Variants in KALRN observed in about 807,000 individuals in gnomAD.
KALRN encodes the protein kalirin.
A neutral mutation model predicts 353.7 loss-of-function variants in KALRN; 70 were observed. The observed-to-expected ratio is 0.20, with a 90% CI of 0.16 to 0.24. The LOEUF (loss-of-function observed/expected upper bound fraction) is 0.24, where lower values mean the gene tolerates loss of function less well. Among genes scored for constraint, KALRN ranks in the 10% least tolerant of loss-of-function variants. The pLI is 1.00. For missense variants in KALRN, 2,791 were observed against 3,756.7 expected, an observed-to-expected ratio of 0.74 and a Z score of 6.72; for synonymous variants, 1,391 against 1,434.8, an observed-to-expected ratio of 0.97 and a Z score of 0.69.
At chr3:124,486,183 A>G (rs150031154) in intron 28 of KALRN, among the ~76,000 whole-genome samples, 1 of 152,316 alleles carries the variant, frequency 6.6e-6, no homozygotes, top group Non-Finnish European at 1.5e-5. Context: ...ATCATAAAGT[A>G]TAGCAAGGAT....
At position 124,033,467 on chromosome 3, in the gene KALRN, C is replaced by G. The variant is rs2039078660; in HGVS notation, c.-274C>G. ...CGCACCCCGGCCCCGGGCCCCGGCC[C>G]CAGCCAGACAGCAGGCGGCCAGCGC... On this transcript the variant is annotated 5_prime_UTR_variant, in exon 1 of 60. Coordinates refer to ENST00000682506, the MANE Select transcript of KALRN (RefSeq NM_001388419.1). The surrounding 1 kb of genome is among the most constrained non-coding windows in gnomAD (Gnocchi z 6.2). Among the ~76,000 whole-genome samples, 1 of 151,914 alleles carries G rather than the reference C, an allele frequency of 6.6e-6. No homozygotes were observed. Among genetic ancestry groups the G allele is most frequent in the African/African-American group, 2.4e-5 (1 of 41,412 alleles).
chr3:124,525,739 C>T (rs868705953), intron 33 of KALRN, among the ~76,000 whole-genome samples: 1 of 152,196 alleles, frequency 6.6e-6, no homozygotes, highest in Non-Finnish European at 1.5e-5. Context: ...CCTGTGTTCT[C>T]GTTTGCTGTT....
chr3:124,720,356 G>C lies in KALRN; in HGVS notation c.*886G>C, dbSNP rs1398129166. The C allele has an allele frequency of 6.6e-6, 1 of 152,556 alleles. No individual in the cohort carries two copies. Among genetic ancestry groups the C allele is most frequent in the Non-Finnish European group, 1.5e-5 (1 of 68,028 alleles). 9.5% of individuals were successfully genotyped at this position (152,556 alleles called of 1,614,324 possible). A position where few individuals can be genotyped will look rare whatever the true frequency, so the allele number is the denominator to read the frequency against. On this transcript the variant is annotated 3_prime_UTR_variant, in exon 60 of 60. Transcript: ENST00000682506. ...GGGGATATTTTTGTGTCTACACCAG[G>C]TTTGAAATAAGTAAACAAATACAAG...
At chr3:124,063,546 C>T (rs779664858) in intron 1 of KALRN, among the ~76,000 whole-genome samples, 2 of 152,126 alleles carry the variant, frequency 1.3e-5, no homozygotes, top group African/African-American at 2.4e-5. Flanking sequence ...CAAACATTCT[C>T]GGCCAGTTGG....
chr3:124,634,621 T>A (rs1487618786), intron 36 of KALRN, among the ~76,000 whole-genome samples: 1 of 152,196 alleles, frequency 6.6e-6, no homozygotes, highest in Non-Finnish European at 1.5e-5. Flanking sequence ...TGCTTCCAGG[T>A]ACTGACCCGA....
rs570584343 is a variant in KALRN at position 124,379,654 on chromosome 3, C to T, written c.1771-5191C>T. Among the ~76,000 whole-genome samples, 11 of 152,264 alleles carry T rather than the reference C, an allele frequency of 7.2e-5. 1 individual carries two copies. The South Asian group carries it at 2.3e-3, about 32-fold the overall frequency. On this transcript the variant is annotated intron_variant, in intron 10 of 59. Coordinates refer to ENST00000682506, the MANE Select transcript of KALRN (RefSeq NM_001388419.1). ...AACATCCCATGAACCATGAGGTTTT[C>T]CAGGCTGACTGGTGGGAGCAGGTGC... is the stretch of plus-strand genomic sequence containing the variant.
intron 3 of KALRN, among the ~76,000 whole-genome samples, chr3:124,241,757 C>A (rs978606872): frequency 1.3e-5 from 2 of 152,190 alleles, no homozygotes; most frequent in African/African-American, 4.8e-5. Flanking sequence ...GAACCCAGTG[C>A]TCTGGCCTTC....
intron 59 of KALRN, among the ~76,000 whole-genome samples, chr3:124,718,266 G>A (rs909875603): frequency 5.3e-5 from 8 of 151,792 alleles, no homozygotes; most frequent in East Asian, 1.9e-4. Flanking sequence ...GATTACAGGC[G>A]CCCACCACCA....
At chr3:124,088,441 G>A (rs1389464920) in intron 1 of KALRN, among the ~76,000 whole-genome samples, 3 of 152,192 alleles carry the variant, frequency 2.0e-5, no homozygotes, top group African/African-American at 7.2e-5. Context: ...CCCTCCTGAA[G>A]GGCAGGTAGA....
At chr3:124,480,811 T>C (rs1020958676) in intron 27 of KALRN, among the ~76,000 whole-genome samples, 1 of 152,218 alleles carries the variant, frequency 6.6e-6, no homozygotes, top group African/African-American at 2.4e-5. Flanking sequence ...TAATACATGG[T>C]CTTTTGTGAC....
intron 3 of KALRN, among the ~76,000 whole-genome samples, chr3:124,240,656 G>T (rs2080323037): frequency 6.6e-6 from 1 of 152,130 alleles, no homozygotes; most frequent in Admixed American, 6.5e-5. Flanking sequence ...CGAGAAGCCA[G>T]ATGACAGGGG....
Position 124,069,324 on chromosome 3 carries a change from AG to A in KALRN, c.73+35513del. ...CTCATGGAAACCTAGGAGGAGGAGG[AG>A]GAGGAGGAGGAGGAGGAGGAGGAGG... On this transcript the variant is annotated intron_variant, in intron 1 of 59. Coordinates refer to ENST00000682506, the MANE Select transcript of KALRN (RefSeq NM_001388419.1). 3.8e-4 allele frequency among the ~76,000 whole-genome samples: 5 copies of A among 13,062 alleles called. No individual in the cohort carries two copies. In the Admixed American group the frequency reaches 7.7e-3, roughly 20 times the overall value. The allele number at this position is 13,062 out of a possible 152,430, so 8.6% of individuals were successfully genotyped here. A position where few individuals can be genotyped will look rare whatever the true frequency, so the allele number is the denominator to read the frequency against.
chr3:124,386,501 A>G (rs2088348573), intron 11 of KALRN, among the ~76,000 whole-genome samples: 1 of 152,058 alleles, frequency 6.6e-6, no homozygotes, highest in Non-Finnish European at 1.5e-5. Flanking sequence ...CTCTAGCTAC[A>G]TCTCCCACCT....
At chr3:124,608,160 G>A (rs947867474) in intron 34 of KALRN, among the ~76,000 whole-genome samples, 2 of 151,196 alleles carry the variant, frequency 1.3e-5, no homozygotes, top group Non-Finnish European at 2.9e-5. Context: ...GGCATGTGTC[G>A]TCACCGTGCC....
chr3:124,627,317 A>C (rs527718910), intron 34 of KALRN, among the ~76,000 whole-genome samples: 1 of 152,252 alleles, frequency 6.6e-6, no homozygotes, highest in Non-Finnish European at 1.5e-5. Flanking sequence ...AGTTGCTTGC[A>C]TGGAACAAAC....
At chr3:124,639,038 T>A (rs2081703511) in intron 37 of KALRN, among the ~76,000 whole-genome samples, 1 of 152,236 alleles carries the variant, frequency 6.6e-6, no homozygotes, top group Non-Finnish European at 1.5e-5. Context: ...TAGCCTGTTC[T>A]CCAACCTACC....
At chr3:124,559,133 G>A (rs1436547462) in intron 33 of KALRN, among the ~76,000 whole-genome samples, 3 of 152,214 alleles carry the variant, frequency 2.0e-5, no homozygotes, top group South Asian at 2.1e-4. Context: ...TGTATGTAGC[G>A]GTCCATGCTG....
chr3:124,349,260 C>A (rs141081756), intron 10 of KALRN, among the ~76,000 whole-genome samples: 12 of 152,208 alleles, frequency 7.9e-5, no homozygotes, highest in Non-Finnish European at 4.4e-5. Flanking sequence ...CTACTTATAC[C>A]TAGAGTAGTG....
chr3:124,109,403 T>C lies in KALRN; in HGVS notation c.73+75590T>C, dbSNP rs377481211. Among the ~76,000 whole-genome samples the C allele has an allele frequency of 2.5e-4, 38 of 152,256 alleles. No homozygotes were observed. In the South Asian group the frequency reaches 7.9e-3, roughly 32 times the overall value. On this transcript the variant is annotated intron_variant, in intron 1 of 59. Coordinates refer to ENST00000682506, the MANE Select transcript of KALRN (RefSeq NM_001388419.1). ...GTGTTCACTAACTTCTTAATTTCAA[T>C]TATTGTATTTTTTAGTGCTAAAATC...
Sources: allele counts gnomAD v4.1 joint callset (sites outside exome capture counted in the v4.1 genomes callset), GRCh38; gene constraint gnomAD v4.1.1; non-coding constraint Gnocchi (gnomAD v3.1); transcripts MANE v1.5; gene names NCBI Gene and HGNC (gene_info 2026-07-23, HGNC 2026-07-21).